Variants in PHAX observed in about 807,000 individuals in gnomAD.
PHAX encodes phosphorylated adaptor for RNA export, also known as phosphorylated adapter RNA export protein.
Under a neutral mutation model 41.6 loss-of-function variants are expected in PHAX, and 31 were observed. That is an observed-to-expected ratio of 0.75 (90% CI 0.56 to 1.01). The LOEUF (loss-of-function observed/expected upper bound fraction) is 1.01, where lower values mean the gene tolerates loss of function less well. Among genes scored for constraint, PHAX ranks in the 50% least tolerant of loss-of-function variants. The pLI is 0.00. For missense variants in PHAX, 453 were observed against 472.9 expected (o/e 0.96, Z 0.39); for synonymous variants, 175 against 164.9 (o/e 1.06, Z -0.47).
chr5:126,609,200 A>G (rs1752040956), intron 3 of PHAX, among the ~76,000 whole-genome samples: 1 of 146,182 alleles, frequency 6.8e-6, no homozygotes, highest in African/African-American at 2.6e-5. Flanking sequence ...TCCCGAGTTC[A>G]AGCAATTCTC....
chr5:126,610,648 C>T (rs1752079456), intron 3 of PHAX, among the ~76,000 whole-genome samples: 1 of 152,156 alleles, frequency 6.6e-6, no homozygotes, highest in African/African-American at 2.4e-5. Context: ...CTTTATATTC[C>T]AGTGAGCTAA....
rs1251221030 is a variant in PHAX at position 126,626,567 on chromosome 5, T to C, written c.*1723T>C. 6.6e-6 allele frequency: 1 copy of C among 151,944 alleles called. No homozygotes were observed. Among genetic ancestry groups the C allele is most frequent in the Non-Finnish European group, 1.5e-5 (1 of 68,102 alleles). 9.4% of individuals were successfully genotyped at this position (151,944 alleles called of 1,614,324 possible). On this transcript the variant is annotated 3_prime_UTR_variant, in exon 5 of 5. Coordinates refer to ENST00000297540, the MANE Select transcript of PHAX (RefSeq NM_032177.4). ...TCCTGGCCAACATGGTGAAACCCTG[T>C]CTCTATTAAAAATACAAAAATTAGC... is the stretch of plus-strand genomic sequence containing the variant.
rs373124899 is a variant in PHAX at position 126,617,271 on chromosome 5, C to G, written c.853C>G (p.Pro285Ala). The change falls in exon 4 of 5, where the codon CCA becomes GCA. Residue 285 changes from proline (P) to alanine (A), a missense_variant. Coordinates refer to ENST00000297540, the MANE Select transcript of PHAX (RefSeq NM_032177.4). ...GTAGAATGGTAGTCGAAGAAGAACA[C>G]CAGGTGGAGTTTTTCTGAATCTCTT... The part of the protein sequence containing the change: ...FIMNGSRRRT[P>A]GGVFLNLLKN... The G allele has an allele frequency of 6.2e-7, 1 of 1,610,772 alleles. No homozygotes were observed. Among genetic ancestry groups the G allele is most frequent in the African/African-American group, 1.3e-5 (1 of 74,810 alleles).
chr5:126,615,950 A>G (rs1025096345), intron 3 of PHAX, among the ~76,000 whole-genome samples: 2 of 151,920 alleles, frequency 1.3e-5, no homozygotes, highest in Non-Finnish European at 2.9e-5. Flanking sequence ...ATACATTTAA[A>G]TATTTGATCC....
At chr5:126,601,453 A>G (rs972879281) in intron 1 of PHAX, among the ~76,000 whole-genome samples, 1 of 152,142 alleles carries the variant, frequency 6.6e-6, no homozygotes, top group Non-Finnish European at 1.5e-5. Context: ...CATCGCCGCT[A>G]GGTAACCATA....
intron 2 of PHAX, 90 bp downstream of exon 2, chr5:126,604,273 C>CATT: frequency 2.5e-6 from 2 of 791,614 alleles, no homozygotes; most frequent in African/African-American, 3.5e-5. Context: ...ATGATATGTT[C>CATT]CTTTTTTTTT....
intron 4 of PHAX, among the ~76,000 whole-genome samples, chr5:126,623,117 C>A (rs1043694209): frequency 1.3e-5 from 2 of 151,426 alleles, no homozygotes; most frequent in African/African-American, 2.4e-5. Flanking sequence ...CAGAGCCAGA[C>A]TCTGTCTCAA....
Position 126,624,871 on chromosome 5 carries a change from A to C in PHAX, c.*27A>C. 1.3e-6 allele frequency: 2 copies of C among 1,565,890 alleles called. No individual in the cohort carries two copies. The highest frequency in any genetic ancestry group is 2.4e-5 in the South Asian group (2 of 83,844). On this transcript the variant is annotated 3_prime_UTR_variant, in exon 5 of 5. Transcript: ENST00000297540. ...TACATTTTCAACAGTTTGAGGACTA[A>C]GCCTTTCTAAAATAACATTGTAATA...
intron 3 of PHAX, among the ~76,000 whole-genome samples, chr5:126,616,513 C>T (rs1235290356): frequency 6.6e-6 from 1 of 152,088 alleles, no homozygotes; most frequent in Non-Finnish European, 1.5e-5. Context: ...TTTTGCTTCA[C>T]TGATCATTCT....
rs369361705 is a variant in PHAX, at chr5:126,600,955, G to T, written c.-8G>T. 18 of 1,601,230 alleles carry T rather than the reference G, an allele frequency of 1.1e-5. No individual in the cohort carries two copies. Among genetic ancestry groups the T allele is most frequent in the Admixed American group, 1.7e-5 (1 of 59,270 alleles). On this transcript the variant is annotated 5_prime_UTR_variant, in exon 1 of 5. Coordinates refer to ENST00000297540, the MANE Select transcript of PHAX (RefSeq NM_032177.4). ...CCGCCGCTGTGCAGCGCAGCGCACC[G>T]CGGGAAGATGGCGTTGGAGGTCGGC...
intron 1 of PHAX, among the ~76,000 whole-genome samples, chr5:126,602,571 G>T (rs28577201): frequency 0.45 from 67,826 of 152,184 alleles, 20,124 homozygotes; most frequent in African/African-American, 0.84. Flanking sequence ...GTTTAACAAA[G>T]ACAAATACTT....
chr5:126,624,016 T>G (rs376680687), intron 4 of PHAX, among the ~76,000 whole-genome samples: 2 of 150,014 alleles, frequency 1.3e-5, no homozygotes, highest in Non-Finnish European at 3.0e-5. Flanking sequence ...GGGTTTTTTT[T>G]TTTTTTTTTT....
chr5:126,618,447 A>G (rs575068100), intron 4 of PHAX, among the ~76,000 whole-genome samples: 20 of 152,164 alleles, frequency 1.3e-4, no homozygotes, highest in Non-Finnish European at 2.5e-4. Context: ...CACAAGACCC[A>G]TTATCACTCC....
chr5:126,624,736 T>G lies in PHAX; in HGVS notation c.1077T>G (p.Asn359Lys), dbSNP rs1261810396. 6.2e-7 allele frequency: 1 copy of G among 1,614,084 alleles called. No homozygotes were observed. Among genetic ancestry groups the G allele is most frequent in the Non-Finnish European group, 8.5e-7 (1 of 1,180,026 alleles). Residue 359 changes from asparagine (N) to lysine (K), a missense_variant, in exon 5 of 5, where the codon AAT (asparagine) becomes AAG (lysine). By Grantham distance (94) the Asn-to-Lys change is moderately conservative (BLOSUM62 0). Transcript: ENST00000297540. ...GAGAAACTTTTGCAAGTGACACGAATGAGGCCTTGGCCTCTCTTGATGAGT... is the reference window on the plus strand; with the variant it reads ...GAGAAACTTTTGCAAGTGACACGAAGGAGGCCTTGGCCTCTCTTGATGAGT... ...TSRETFASDT[N>K]EALASLDESQ... is the part of the protein sequence containing the mutation.
chr5:126,618,092 T>G (rs1249682425), intron 4 of PHAX, among the ~76,000 whole-genome samples: 2 of 151,422 alleles, frequency 1.3e-5, no homozygotes, highest in Non-Finnish European at 2.9e-5. Context: ...TAACTGGGAG[T>G]ACAGGCATAT....
rs74471105 is a variant in PHAX at position 126,618,381 on chromosome 5, C to CA, written c.915+1058dup. On this transcript the variant is annotated intron_variant, in intron 4 of 4. Transcript: ENST00000297540. ...ACTTCAGCTTGGTGCCATCCCCCAC[C>CA]AAAAAAAAAATACAAAAAAAAAGTA... Among the ~76,000 whole-genome samples, 30 of 143,252 alleles carry CA rather than the reference C, an allele frequency of 2.1e-4. No homozygotes were observed. In the East Asian group the frequency reaches 3.2e-3, roughly 15 times the overall value. The allele number at this position is 143,252 out of a possible 152,430, so 94.0% of individuals were successfully genotyped here.
chr5:126,601,080 G>A lies in PHAX; in HGVS notation c.96+22G>A, dbSNP rs559359255. The A allele has an allele frequency of 2.7e-5, 43 of 1,570,078 alleles. No individual in the cohort carries two copies. The South Asian group carries it at 4.8e-4, about 18-fold the overall frequency. On this transcript the variant is annotated intron_variant, in intron 1 of 4. Transcript: ENST00000297540. ...GCCAGTGAGTGTGAAAGGAGGGTGG[G>A]TGATCGTGGCTGGGCGCGCGGAGCC...
At chr5:126,601,278 G>GGCGGCA (rs920196222) in intron 1 of PHAX, among the ~76,000 whole-genome samples, 20 of 152,104 alleles carry the variant, frequency 1.3e-4, no homozygotes, top group South Asian at 4.1e-4. Flanking sequence ...GAGGGGCGAC[G>GGCGGCA]GCGGCAGCGG....
At chr5:126,601,323 TC>T (rs1470318663) in intron 1 of PHAX, among the ~76,000 whole-genome samples, 1 of 151,590 alleles carries the variant, frequency 6.6e-6, no homozygotes, top group East Asian at 1.9e-4. Flanking sequence ...AACTGGCTGC[TC>T]CCTGCGAGGC....
Sources: gnomAD v4.1 joint callset for allele counts (sites outside exome capture counted in the v4.1 genomes callset) on GRCh38, gnomAD v4.1.1 for gene constraint, MANE v1.5 for transcripts, NCBI Gene and HGNC (gene_info 2026-07-23, HGNC 2026-07-21) for gene names.